CPLANE2: variants seen among roughly 807,000 people sequenced by gnomAD.
CPLANE2 encodes ciliogenesis and planar polarity effector 2.
In CPLANE2, 24 loss-of-function variants were observed where a neutral mutation model predicts 20.9. That is an observed-to-expected ratio of 1.15 (90% CI 0.83 to 1.61). CPLANE2 has a LOEUF of 1.61. Among genes scored for constraint, CPLANE2 ranks in the 40% most tolerant of loss-of-function variants. CPLANE2 has a pLI of 0.00. For missense variants in CPLANE2, 330 were observed against 355.1 expected, an observed-to-expected ratio of 0.93 and a Z score of 0.57; for synonymous variants, 132 against 144.3, an observed-to-expected ratio of 0.92 and a Z score of 0.61.
chr1:16,236,148 C>T (rs2081464216), intron 1 of CPLANE2, among the ~76,000 whole-genome samples: 1 of 152,222 alleles, frequency 6.6e-6, no homozygotes, highest in South Asian at 2.1e-4. Flanking sequence ...GCACCTCTGC[C>T]GGCCTGACAG....
At position 16,232,645 on chromosome 1, in the gene CPLANE2, G is replaced by A. The variant is rs746374981; in HGVS notation, c.392C>T (p.Ala131Val). The A allele has an allele frequency of 1.2e-6, 2 of 1,613,986 alleles. No individual in the cohort carries two copies. The highest frequency in any genetic ancestry group is 1.7e-6 in the Non-Finnish European group (2 of 1,179,974). The part of the protein sequence containing the change: ...ALKKFDHMLL[A>V]CMENTDAFLF... Reference sequence around the variant, plus strand: ...GAAGGCATCTGTGTTCTCCATGCAAGCCTGGTGATGGAGAGGCATATAACC... The same window carrying A: ...GAAGGCATCTGTGTTCTCCATGCAAACCTGGTGATGGAGAGGCATATAACC... Residue 131 changes from alanine (A) to valine (V), a missense_variant and splice_region_variant, in exon 4 of 5, where the codon GCT becomes GTT. By Grantham distance (64) the Ala-to-Val change is moderately conservative. Transcript: ENST00000375599.
intron 3 of CPLANE2, 93 bp from the exon 4 acceptor site, chr1:16,232,739 A>C (rs1253943025): frequency 6.3e-7 from 1 of 1,576,434 alleles, no homozygotes; most frequent in East Asian, 2.2e-5. Context: ...ACAGATTGGG[A>C]AACTGAGGCC....
chr1:16,232,781 C>T, intron 3 of CPLANE2, 112 bp downstream of exon 3: 1 of 1,565,550 alleles, frequency 6.4e-7, no homozygotes, highest in Non-Finnish European at 8.7e-7. Flanking sequence ...CTAGGACAAG[C>T]ATGGGCTGGG....
In CPLANE2 at chr1:16,232,203, G is replaced by A; in HGVS notation, c.622C>T (p.Pro208Ser). ...ELPLLRVKSV[P>S]GRRLADGRTL... ...CGCCCATCAGCCAGCCGCCGCCCCG[G>A]CACACTCTTCACCCGTAGCAGGGGC... Residue 208 changes from proline to serine, a missense_variant, in exon 5 of 5, where the codon CCG becomes TCG. Transcript: ENST00000375599. The A allele has an allele frequency of 1.9e-6, 3 of 1,612,622 alleles. No homozygotes were observed. Among genetic ancestry groups the A allele is most frequent in the Non-Finnish European group, 1.7e-6 (2 of 1,179,850 alleles).
Position 16,232,033 on chromosome 1 carries a change from G to A in CPLANE2, c.*15C>T. 6.2e-7 allele frequency: 1 copy of A among 1,606,878 alleles called. No homozygotes were observed. The highest frequency in any genetic ancestry group is 1.1e-5 in the South Asian group (1 of 90,748). On this transcript the variant is annotated 3_prime_UTR_variant, in exon 5 of 5. Coordinates refer to ENST00000375599, the MANE Select transcript of CPLANE2 (RefSeq NM_030907.4). ...CTGAGGGTTGGGGGTGGGATCACAG[G>A]CAACCACTCGTGACTCATTCAGGAG...
chr1:16,232,386 A>T, intron 4 of CPLANE2, 89 bp from the exon 5 acceptor site: 1 of 1,529,312 alleles, frequency 6.5e-7, no homozygotes, highest in Non-Finnish European at 8.8e-7. Flanking sequence ...GCCCACACCC[A>T]GGAGCTGGGG....
intron 3 of CPLANE2, 33 bp from the exon 4 acceptor site, chr1:16,232,679 C>A: frequency 6.2e-7 from 1 of 1,612,236 alleles, no homozygotes; most frequent in Non-Finnish European, 8.5e-7. Context: ...CCATGTCACC[C>A]CCCATCAGCT....
rs1247532873 is a variant in CPLANE2, at chr1:16,232,876, C to T, written c.390+17G>A. On this transcript the variant is annotated intron_variant, in intron 3 of 4. Coordinates refer to ENST00000375599, the MANE Select transcript of CPLANE2 (RefSeq NM_030907.4). ...CGGCCCCTGGCAGAACCCACCCAGGCCCACATGCCTGCTCACCAGCAGCAT... is the reference window on the plus strand; with the variant it reads ...CGGCCCCTGGCAGAACCCACCCAGGTCCACATGCCTGCTCACCAGCAGCAT... The T allele has an allele frequency of 7.4e-6, 12 of 1,613,846 alleles. No individual in the cohort carries two copies. The highest frequency in any genetic ancestry group is 1.7e-5 in the Admixed American group (1 of 60,002).
intron 2 of CPLANE2, 50 bp from the exon 3 acceptor site, chr1:16,233,067 G>T: frequency 6.2e-7 from 1 of 1,605,922 alleles, no homozygotes; most frequent in South Asian, 1.1e-5. Context: ...GTGGAGATGG[G>T]AGGAATAGGG....
Position 16,233,034 on chromosome 1 carries a change from GT to G in CPLANE2, c.266-18del, listed in dbSNP as rs763770641. 5 of 1,613,994 alleles carry G rather than the reference GT, an allele frequency of 3.1e-6. No homozygotes were observed. The highest frequency in any genetic ancestry group is 4.2e-6 in the Non-Finnish European group (5 of 1,179,916). ...TCTGGATGCCTGAGGGGGAGCCAGG[GT>G]CAGCCACTCACCATGGGAGAGGTGG... On this transcript the variant is annotated intron_variant, in intron 2 of 4. Transcript: ENST00000375599.
chr1:16,232,966 C>A lies in CPLANE2; in HGVS notation c.317G>T (p.Arg106Leu). ...GAACTCAAAACGAAACATGACGACA[C>A]GGCTGCTGGCCTGCAGCTTGGCTGG... ...FWPAKLQASSRVVMFRFEFWD... is the reference protein window; with the variant it reads ...FWPAKLQASSLVVMFRFEFWD... Residue 106 changes from arginine to leucine, a missense_variant, in exon 3 of 5, where the codon CGT (arginine) becomes CTT (leucine). Transcript: ENST00000375599. The A allele has an allele frequency of 6.2e-7, 1 of 1,614,172 alleles. No homozygotes were observed. Among genetic ancestry groups the A allele is most frequent in the Non-Finnish European group, 8.5e-7 (1 of 1,180,018 alleles).
At position 16,236,571 on chromosome 1, in the gene CPLANE2, G is replaced by A. The variant is rs1485623294; in HGVS notation, c.112+60C>T. On this transcript the variant is annotated intron_variant, in intron 1 of 4. Transcript: ENST00000375599. ...CTGCTCTCCTCAGGGAGCAACAGGT[G>A]ACACTCTTCTCCCCAGGGAAAGACA... is the stretch of plus-strand genomic sequence containing the variant. The A allele has an allele frequency of 2.1e-5, 27 of 1,311,006 alleles. No homozygotes were observed. In the East Asian group the frequency reaches 6.8e-4, roughly 33 times the overall value. 81.2% of individuals were successfully genotyped at this position (1,311,006 alleles called of 1,614,324 possible).
rs1282818397 is a variant in CPLANE2, at chr1:16,232,243, CCGGAAG to C, written c.576_581del (p.Phe193_Arg194del). The C allele has an allele frequency of 6.2e-7, 1 of 1,611,444 alleles. No homozygotes were observed. Reference sequence around the variant, plus strand: ...GTAGCAGGGGCAGCTCCCAGGCCTGCCGGAAGGCTGTGAGGTCCCGCTCGGGCACGT... The same window carrying C: ...GTAGCAGGGGCAGCTCCCAGGCCTGCGCTGTGAGGTCCCGCTCGGGCACGT... On this transcript the variant is annotated inframe_deletion, in exon 5 of 5. Coordinates refer to ENST00000375599, the MANE Select transcript of CPLANE2 (RefSeq NM_030907.4).
intron 1 of CPLANE2, among the ~76,000 whole-genome samples, chr1:16,234,319 G>A (rs1473349659): frequency 1.3e-5 from 2 of 152,066 alleles, no homozygotes; most frequent in Non-Finnish European, 2.9e-5. Flanking sequence ...CAGGAGAACT[G>A]CTTGAACCTG....
In CPLANE2 at chr1:16,232,298, C is replaced by A. The variant is rs2081427025; in HGVS notation, c.528-1G>T. ...GTCCGTGTGCATGTACTGGTCAAAT[C>A]TGGAGGAGGGTCAAGGAGCCTAACT... On this transcript the variant is annotated splice_acceptor_variant, in intron 4 of 4. Coordinates refer to ENST00000375599, the MANE Select transcript of CPLANE2 (RefSeq NM_030907.4). LOFTEE classifies it high-confidence loss of function. 6.2e-7 allele frequency: 1 copy of A among 1,603,390 alleles called. No individual in the cohort carries two copies.
At chr1:16,233,895 A>G (rs2081444606) in intron 1 of CPLANE2, 131 bp from the exon 2 acceptor site, 4 of 952,594 alleles carry the variant, frequency 4.2e-6, no homozygotes, top group Non-Finnish European at 6.2e-6. Flanking sequence ...CAAGGTGATC[A>G]GCTGCCCTCA....
rs200973333 is a variant in CPLANE2 at position 16,232,642 on chromosome 1, C to G, written c.395G>C (p.Cys132Ser). 8 of 1,613,996 alleles carry G rather than the reference C, an allele frequency of 5.0e-6. No homozygotes were observed. In the Admixed American group the frequency reaches 1.2e-4, roughly 24 times the overall value. Residue 132 changes from cysteine to serine, a missense_variant, in exon 4 of 5, where the codon TGC (cysteine) becomes TCC (serine). Coordinates refer to ENST00000375599, the MANE Select transcript of CPLANE2 (RefSeq NM_030907.4). ...GAGGAAGGCATCTGTGTTCTCCATGCAAGCCTGGTGATGGAGAGGCATATA... is the reference window on the plus strand; with the variant it reads ...GAGGAAGGCATCTGTGTTCTCCATGGAAGCCTGGTGATGGAGAGGCATATA... Reference protein sequence around the residue: ...LKKFDHMLLACMENTDAFLFL... With the variant: ...LKKFDHMLLASMENTDAFLFL...
chr1:16,236,313 A>C (rs775383624), intron 1 of CPLANE2, among the ~76,000 whole-genome samples: 1 of 152,244 alleles, frequency 6.6e-6, no homozygotes, highest in African/African-American at 2.4e-5. Context: ...ATGGGCGTGC[A>C]CTGTGTAACG....
In CPLANE2 at chr1:16,232,537, C is replaced by T. The variant is rs949219760; in HGVS notation, c.500G>A (p.Gly167Asp). The stretch of plus-strand genomic sequence containing the variant: ...GGAGCCGATGACCATCCTGACGACA[C>T]CAGGGGCCTCACCTGCTATGCGGGC... ...QLARIAGEAP[G>D]VVRMVIGSKF... is the part of the protein sequence containing the mutation. Residue 167 changes from glycine (G) to aspartate (D), a missense_variant, in exon 4 of 5, where the codon GGT (glycine) becomes GAT (aspartate). Coordinates refer to ENST00000375599, the MANE Select transcript of CPLANE2 (RefSeq NM_030907.4). 3.1e-6 allele frequency: 5 copies of T among 1,613,982 alleles called. No individual in the cohort carries two copies. The highest frequency in any genetic ancestry group is 2.7e-5 in the African/African-American group (2 of 74,922).
Sources: allele counts gnomAD v4.1 joint callset (sites outside exome capture counted in the v4.1 genomes callset), GRCh38; gene constraint gnomAD v4.1.1; transcripts MANE v1.5; gene names NCBI Gene and HGNC (gene_info 2026-07-23, HGNC 2026-07-21).